The following LARGE1 variants were observed in gnomAD, a reference collection of about 807,000 sequenced individuals.
The protein encoded by LARGE1 is LARGE xylosyl- and glucuronyltransferase 1, also known as xylosyl- and glucuronyltransferase LARGE1.
Under a neutral mutation model 87.6 loss-of-function variants are expected in LARGE1, and 43 were observed. The ratio of observed to expected loss-of-function variants is 0.49; its 90% CI spans 0.38 to 0.63. LARGE1 has a LOEUF of 0.63. Ranked by LOEUF, LARGE1 falls within the 30% of genes least tolerant of loss-of-function variation. LARGE1 has a pLI of 0.00. For missense variants in LARGE1, 802 were observed against 1,000.2 expected, an observed-to-expected ratio of 0.80 and a Z score of 2.67; for synonymous variants, 434 against 394.6, an observed-to-expected ratio of 1.10 and a Z score of -1.18.
At chr22:33,360,403 T>C (rs1352801153) in intron 9 of LARGE1, among the ~76,000 whole-genome samples, 2 of 149,600 alleles carry the variant, frequency 1.3e-5, no homozygotes, top group South Asian at 2.2e-4. Context: ...GGAAGCATAG[T>C]GGCATCTGCT....
At chr22:33,315,331 A>G (rs1198779878) in intron 11 of LARGE1, among the ~76,000 whole-genome samples, 1 of 152,216 alleles carries the variant, frequency 6.6e-6, no homozygotes. Context: ...GTTGAGAAGC[A>G]GTGCATTGGC....
At chr22:33,459,706 G>A (rs539055511) in intron 6 of LARGE1, among the ~76,000 whole-genome samples, 4 of 151,488 alleles carry the variant, frequency 2.6e-5, no homozygotes, top group African/African-American at 7.3e-5. Context: ...ACATTACACC[G>A]CCAGCCCAGA....
At chr22:33,916,696 A>C (rs62225075) in intron 1 of LARGE1, among the ~76,000 whole-genome samples, 8,445 of 152,254 alleles carry the variant, frequency 0.055, 276 homozygotes, top group African/African-American at 0.082. Flanking sequence ...CTTTCTGAGA[A>C]TCTCTAGCCA....
rs5999133 is a variant in LARGE1 at position 33,903,120 on chromosome 22, G to A, written c.-83+16875C>T. On this transcript the variant is annotated intron_variant, in intron 1 of 14. Transcript: ENST00000397394. ...GCACTGCAGCCCAGGCAACAAGAGCGAAACTCCATCTCAAAAAATAAAAAG... is the reference window on the plus strand; with the variant it reads ...GCACTGCAGCCCAGGCAACAAGAGCAAAACTCCATCTCAAAAAATAAAAAG... Among the ~76,000 whole-genome samples, 1,372 of 152,232 alleles carry A rather than the reference G, an allele frequency of 9.0e-3. 36 individuals are homozygous for A. Among genetic ancestry groups the A allele is most frequent in the African/African-American group, 0.031 (1,304 of 41,522 alleles).
chr22:33,228,345 G>T (rs1243921630), intron 11 of LARGE1, among the ~76,000 whole-genome samples: 2 of 152,242 alleles, frequency 1.3e-5, no homozygotes, highest in Non-Finnish European at 2.9e-5. Context: ...TCCTTACACT[G>T]ACTGCTACAT....
intron 4 of LARGE1, among the ~76,000 whole-genome samples, chr22:33,619,044 G>T (rs1037274605): frequency 2.6e-5 from 4 of 152,110 alleles, no homozygotes; most frequent in Non-Finnish European, 4.4e-5. Context: ...TGAGTAGGGG[G>T]ACCACCCCGC....
rs562355098 is a variant in LARGE1, at chr22:33,761,296, T to A, written c.106+75A>T. 904 of 1,203,114 alleles carry A rather than the reference T, an allele frequency of 7.5e-4. 13 individuals are homozygous for A. The South Asian group carries it at 0.01, about 14-fold the overall frequency. The allele number at this position is 1,203,114 out of a possible 1,614,324, so 74.5% of individuals were successfully genotyped here. ...TATTCCTATTAGATGGCTTTGAGTT[T>A]CTTTTCTAGGGTTCTATGACAGCTA... On this transcript the variant is annotated intron_variant, in intron 2 of 14. Transcript: ENST00000397394.
At chr22:33,560,863 G>A (rs769147325) in intron 6 of LARGE1, among the ~76,000 whole-genome samples, 18 of 150,914 alleles carry the variant, frequency 1.2e-4, no homozygotes, top group Non-Finnish European at 2.1e-4. Context: ...CACCCAGGCT[G>A]GAGTGCAGTG....
rs186354422 is a variant in LARGE1 at position 33,191,328 on chromosome 22, C to A, written c.1731-24496G>T. 5.3e-5 allele frequency among the ~76,000 whole-genome samples: 8 copies of A among 152,242 alleles called. No homozygotes were observed. The East Asian group carries it at 1.5e-3, about 29-fold the overall frequency. The stretch of plus-strand genomic sequence containing the variant: ...TCCTAAATTTACTTATTATTAGAAC[C>A]ATTGACAGAGACAGTAAAAATAAAA... On this transcript the variant is annotated intron_variant, in intron 11 of 11. Transcript: ENST00000608642.
intron 11 of LARGE1, among the ~76,000 whole-genome samples, chr22:33,304,937 G>A (rs987653878): frequency 5.3e-5 from 8 of 152,124 alleles, no homozygotes; most frequent in Admixed American, 1.3e-4. Context: ...TACAAGGAAC[G>A]GTAAAATAAA....
At chr22:33,497,610 C>T (rs1002045651) in intron 6 of LARGE1, among the ~76,000 whole-genome samples, 4 of 152,078 alleles carry the variant, frequency 2.6e-5, no homozygotes, top group Admixed American at 1.3e-4. Flanking sequence ...GTCAATTTTT[C>T]GATGTGACAA....
At chr22:33,166,926 C>T (rs1295879109) in intron 11 of LARGE1, 1 of 456,200 alleles carries the variant, frequency 2.2e-6, no homozygotes. Flanking sequence ...TAACCACACA[C>T]TTCAATTCCT....
intron 2 of LARGE1, among the ~76,000 whole-genome samples, chr22:33,734,658 T>C (rs1282006782): frequency 6.6e-6 from 1 of 152,174 alleles, no homozygotes; most frequent in Non-Finnish European, 1.5e-5. Flanking sequence ...CATGTTTCAA[T>C]GAGGGAGAGG....
intron 2 of LARGE1, among the ~76,000 whole-genome samples, chr22:33,722,781 G>C (rs142382400): frequency 5.3e-5 from 8 of 152,174 alleles, no homozygotes; most frequent in Non-Finnish European, 1.0e-4. Context: ...TAGGAAGAAG[G>C]GGGTGGACCC....
At chr22:33,586,518 C>T (rs543649816) in intron 5 of LARGE1, among the ~76,000 whole-genome samples, 18 of 151,226 alleles carry the variant, frequency 1.2e-4, no homozygotes, top group African/African-American at 3.9e-4. Context: ...TGCAGTGGCA[C>T]GATCTCTCGG....
At chr22:33,613,350 T>C (rs2079494969) in intron 4 of LARGE1, among the ~76,000 whole-genome samples, 2 of 152,162 alleles carry the variant, frequency 1.3e-5, no homozygotes, top group African/African-American at 4.8e-5. Flanking sequence ...CCAGACCACC[T>C]TTCTTGGAGC....
At chr22:33,564,673 A>T (rs149205933) in intron 6 of LARGE1, among the ~76,000 whole-genome samples, 175 bp downstream of exon 6, 26 of 152,344 alleles carry the variant, frequency 1.7e-4, no homozygotes, top group African/African-American at 6.3e-4. Flanking sequence ...GTTTTACTCT[A>T]TTATTTTTCA....
chr22:33,610,697 A>T (rs2079401961), intron 4 of LARGE1, among the ~76,000 whole-genome samples: 1 of 152,180 alleles, frequency 6.6e-6, no homozygotes, highest in South Asian at 2.1e-4. Context: ...ATAACTAAAA[A>T]GGGGCCAGGT....
chr22:33,105,437 A>T, the LARGE1 span: 1 of 151,890 alleles, frequency 6.6e-6, no homozygotes, highest in Non-Finnish European at 1.5e-5. Flanking sequence ...AGCGGGGCCC[A>T]CCCGCCCAGG....
Sources: gnomAD v4.1 joint callset for allele counts (sites outside exome capture counted in the v4.1 genomes callset) on GRCh38, gnomAD v4.1.1 for gene constraint, MANE v1.5 for transcripts, NCBI Gene and HGNC (gene_info 2026-07-23, HGNC 2026-07-21) for gene names.